GNA12: variants seen among roughly 807,000 people sequenced by gnomAD.
The protein encoded by GNA12 is guanine nucleotide-binding protein subunit alpha-12.
Under a neutral mutation model 26.0 loss-of-function variants are expected in GNA12, and 9 were observed. That is an observed-to-expected ratio of 0.35 (90% CI 0.21 to 0.60). The LOEUF (loss-of-function observed/expected upper bound fraction) is 0.60. Among genes scored for constraint, GNA12 ranks in the 20% least tolerant of loss-of-function variants. GNA12 has a pLI of 0.78. For synonymous variants in GNA12, 264 were observed against 219.6 expected, an observed-to-expected ratio of 1.20 and a Z score of -1.79; for missense variants, 405 against 525.8, an observed-to-expected ratio of 0.77 and a Z score of 2.25.
intron 2 of GNA12, among the ~76,000 whole-genome samples, chr7:2,772,429 G>A (rs1791972087): frequency 6.6e-6 from 1 of 152,068 alleles, no homozygotes; most frequent in African/African-American, 2.4e-5. Flanking sequence ...GCGTGGTGGT[G>A]GGCACCTGTA....
chr7:2,776,896 G>C (rs1459032861), intron 2 of GNA12, among the ~76,000 whole-genome samples: 1 of 152,192 alleles, frequency 6.6e-6, no homozygotes, highest in East Asian at 1.9e-4. Flanking sequence ...CCTGCAGTGA[G>C]CTGTGACTGT....
At chr7:2,829,038 A>G (rs1583313786) in intron 1 of GNA12, among the ~76,000 whole-genome samples, 1 of 150,740 alleles carries the variant, frequency 6.6e-6, no homozygotes, top group South Asian at 2.1e-4. Flanking sequence ...ACATCACTGC[A>G]CTCCAGCCTC....
intron 2 of GNA12, among the ~76,000 whole-genome samples, chr7:2,783,742 T>A (rs1177358619): frequency 1.3e-5 from 2 of 151,890 alleles, no homozygotes; most frequent in Non-Finnish European, 2.9e-5. Flanking sequence ...TGGAGTGCAG[T>A]GGGGCAATCT....
At chr7:2,780,093 T>TATATATATATATAA (rs57390413) in intron 2 of GNA12, among the ~76,000 whole-genome samples, 8 of 130,136 alleles carry the variant, frequency 6.1e-5, no homozygotes, top group African/African-American at 2.1e-4. Flanking sequence ...TATATATATA[T>TATATATATATATAA]GCCTGTTTTC....
chr7:2,762,878 C>G, intron 2 of GNA12: 1 of 1,439,860 alleles, frequency 6.9e-7, no homozygotes, highest in South Asian at 1.5e-5. Flanking sequence ...GAGCCCTGCT[C>G]GTGGAGCCAT....
At chr7:2,743,554 G>A (rs958409482) in intron 2 of GNA12, among the ~76,000 whole-genome samples, 2 of 152,174 alleles carry the variant, frequency 1.3e-5, no homozygotes, top group African/African-American at 4.8e-5. Flanking sequence ...CAGAGGTCAG[G>A]GAGGATCCAA....
chr7:2,825,197 G>T (rs564960791), intron 1 of GNA12, among the ~76,000 whole-genome samples: 2 of 152,204 alleles, frequency 1.3e-5, no homozygotes, highest in African/African-American at 2.4e-5. Context: ...GGGGAAGCCC[G>T]AGAAACAAGA....
chr7:2,795,627 CAAA>C (rs11412223), intron 1 of GNA12, among the ~76,000 whole-genome samples: 1 of 117,548 alleles, frequency 8.5e-6, no homozygotes, highest in Non-Finnish European at 1.7e-5. Context: ...GACCCTGTTT[CAAA>C]AAAAAAAAAA....
At chr7:2,830,426 C>G (rs1444291490) in intron 1 of GNA12, among the ~76,000 whole-genome samples, 1 of 152,186 alleles carries the variant, frequency 6.6e-6, no homozygotes, top group Non-Finnish European at 1.5e-5. Flanking sequence ...CTGACCACTG[C>G]CATAGTGGGA....
chr7:2,771,320 C>T (rs1281338701), intron 2 of GNA12, among the ~76,000 whole-genome samples: 1 of 152,016 alleles, frequency 6.6e-6, no homozygotes, highest in Admixed American at 6.6e-5. Flanking sequence ...ACCAAAAAAA[C>T]GAAACCGCAC....
At chr7:2,753,174 A>C (rs1006666693) in intron 2 of GNA12, among the ~76,000 whole-genome samples, 1 of 151,752 alleles carries the variant, frequency 6.6e-6, no homozygotes, top group African/African-American at 2.4e-5. Flanking sequence ...TTAAAAAAAG[A>C]GACAGGGTCT....
intron 1 of GNA12, among the ~76,000 whole-genome samples, chr7:2,830,161 G>C (rs966921614): frequency 6.6e-6 from 1 of 152,202 alleles, no homozygotes; most frequent in African/African-American, 2.4e-5. Context: ...AGAATGTTTA[G>C]GGTTGCAATG....
Position 2,801,381 on chromosome 7 carries a change from G to A in GNA12, c.310-6238C>T, listed in dbSNP as rs142214134. Among the ~76,000 whole-genome samples, 1,440 of 152,280 alleles carry A rather than the reference G, an allele frequency of 9.5e-3. 30 individuals are homozygous for A. Among genetic ancestry groups the A allele is most frequent in the Admixed American group, 0.041 (626 of 15,306 alleles). ...CAGGGGGCCAGGTAGGACTTGGAAG[G>A]CCAAAGGTCACTTACGAAGACTGCA... On this transcript the variant is annotated intron_variant, in intron 1 of 3. Coordinates refer to ENST00000275364, the MANE Select transcript of GNA12 (RefSeq NM_007353.3).
chr7:2,765,665 C>G (rs1395200129), intron 2 of GNA12, among the ~76,000 whole-genome samples: 12 of 151,772 alleles, frequency 7.9e-5, no homozygotes, highest in Admixed American at 7.9e-4. Context: ...GAGTCTCACT[C>G]TGTCACCCAG....
At chr7:2,800,881 G>C (rs551980549) in intron 1 of GNA12, among the ~76,000 whole-genome samples, 3 of 152,198 alleles carry the variant, frequency 2.0e-5, no homozygotes, top group African/African-American at 7.2e-5. Context: ...CACTTCCTTT[G>C]ACTACACCAC....
At chr7:2,783,549 G>C (rs1421508303) in intron 2 of GNA12, among the ~76,000 whole-genome samples, 1 of 152,162 alleles carries the variant, frequency 6.6e-6, no homozygotes, top group Non-Finnish European at 1.5e-5. Context: ...CAAAAGATCT[G>C]TCAGAAACTG....
chr7:2,736,963 C>T (rs1025839859), intron 2 of GNA12, among the ~76,000 whole-genome samples: 3 of 152,238 alleles, frequency 2.0e-5, no homozygotes, highest in African/African-American at 7.2e-5. Context: ...GAGGGGCTGA[C>T]TCTGGTTCCC....
At chr7:2,808,698 G>A (rs539696709) in intron 1 of GNA12, among the ~76,000 whole-genome samples, 2 of 152,208 alleles carry the variant, frequency 1.3e-5, no homozygotes, top group South Asian at 4.2e-4. Context: ...ACTTGGGTCC[G>A]GCCACCACCA....
Position 2,828,810 on chromosome 7 carries a change from T to C in GNA12, c.309+15043A>G, listed in dbSNP as rs553507753. Among the ~76,000 whole-genome samples the C allele has an allele frequency of 2.6e-5, 4 of 152,210 alleles. No individual in the cohort carries two copies. The East Asian group carries it at 5.8e-4, about 22-fold the overall frequency. ...GTGGCTCACGCCTGTAATCCCAGCA[T>C]TTTGGGAGGCCAAGGTGGGTGGGTT... On this transcript the variant is annotated intron_variant, in intron 1 of 3. Transcript: ENST00000275364.
Sources: allele counts gnomAD v4.1 joint callset (sites outside exome capture counted in the v4.1 genomes callset), GRCh38; gene constraint gnomAD v4.1.1; transcripts MANE v1.5; gene names NCBI Gene and HGNC (gene_info 2026-07-23, HGNC 2026-07-21).